The following HELZ variants were observed in gnomAD, a reference collection of about 807,000 sequenced individuals.
The protein encoded by HELZ is helicase with zinc finger.
Under a neutral mutation model 218.2 loss-of-function variants are expected in HELZ, and 23 were observed. The ratio of observed to expected loss-of-function variants is 0.11; its 90% confidence interval spans 0.08 to 0.15. The LOEUF (loss-of-function observed/expected upper bound fraction) is 0.15. Among genes scored for constraint, HELZ ranks in the 10% least tolerant of loss-of-function variants. The pLI is 1.00. For missense variants in HELZ, 1,813 were observed against 2,353.7 expected (o/e 0.77, Z 4.75); for synonymous variants, 814 against 829.4 (o/e 0.98, Z 0.32).
intron 3 of HELZ, among the ~76,000 whole-genome samples, chr17:67,220,870 G>GAGT (rs2040727448): frequency 8.3e-6 from 1 of 119,904 alleles, no homozygotes; most frequent in Non-Finnish European, 1.7e-5. Flanking sequence ...CAAAAAAAAA[G>GAGT]AGTACTGTAT....
chr17:67,144,818 A>G (rs981437294), intron 21 of HELZ, among the ~76,000 whole-genome samples: 3 of 152,124 alleles, frequency 2.0e-5, no homozygotes, highest in Admixed American at 6.6e-5. Context: ...AGACCCCTAA[A>G]GTTATTTTCA....
At chr17:67,118,901 C>T (rs2037512562) in intron 27 of HELZ, among the ~76,000 whole-genome samples, 1 of 151,934 alleles carries the variant, frequency 6.6e-6, no homozygotes, top group East Asian at 1.9e-4. Flanking sequence ...TAAAAAGATA[C>T]TCAACATCAC....
At chr17:67,085,744 G>A (rs900825225) in intron 32 of HELZ, among the ~76,000 whole-genome samples, 6 of 152,064 alleles carry the variant, frequency 3.9e-5, no homozygotes, top group African/African-American at 1.4e-4. Flanking sequence ...TGTTCACAAA[G>A]ATCAACGTCT....
intron 12 of HELZ, among the ~76,000 whole-genome samples, chr17:67,183,257 G>A (rs73343168): frequency 0.029 from 4,378 of 152,234 alleles, 205 homozygotes; most frequent in African/African-American, 0.098. Context: ...ATGGAAGCAA[G>A]GTGAATCTCT....
At position 67,154,491 on chromosome 17, in the gene HELZ, C is replaced by T. The variant is rs567916403; in HGVS notation, c.2178-3267G>A. Among the ~76,000 whole-genome samples the T allele has an allele frequency of 9.2e-5, 14 of 152,112 alleles. No homozygotes were observed. The South Asian group carries it at 2.9e-3, about 32-fold the overall frequency. ...GAGTAATTCTTTTTATTGTCTGATACTAATTACTAAGTAATTTTTTGTTTC... is the reference window on the plus strand; with the variant it reads ...GAGTAATTCTTTTTATTGTCTGATATTAATTACTAAGTAATTTTTTGTTTC... On this transcript the variant is annotated intron_variant, in intron 17 of 32. Coordinates refer to ENST00000358691, the MANE Select transcript of HELZ (RefSeq NM_014877.4).
In HELZ at chr17:67,151,058, C is replaced by G; in HGVS notation, c.2344G>C (p.Asp782His). The change falls in exon 18 of 33, where the codon GAC (aspartate) becomes CAC (histidine). Residue 782 changes from aspartate (D) to histidine (H), a missense_variant. Coordinates refer to ENST00000358691, the MANE Select transcript of HELZ (RefSeq NM_014877.4). ...TGAGTCAGCATACCAGGTTCAAGGT[C>G]CAACTGACAGAGGTACTGGGAAGTA... is the stretch of plus-strand genomic sequence containing the variant. ...LNTSQYLCQLDLEPGFFTHIL... is the reference protein window; with the variant it reads ...LNTSQYLCQLHLEPGFFTHIL... The G allele has an allele frequency of 6.2e-7, 1 of 1,613,678 alleles. No homozygotes were observed. Among genetic ancestry groups the G allele is most frequent in the Non-Finnish European group, 8.5e-7 (1 of 1,179,714 alleles).
chr17:67,078,519 G>A lies in HELZ; in HGVS notation c.5562C>T (p.Ser1854=), dbSNP rs2036086740. 6.6e-7 allele frequency: 1 copy of A among 1,521,334 alleles called. No individual in the cohort carries two copies. The highest frequency in any genetic ancestry group is 8.8e-7 in the Non-Finnish European group (1 of 1,137,008). 94.2% of individuals were successfully genotyped at this position (1,521,334 alleles called of 1,614,324 possible). Reference sequence around the variant, plus strand: ...GATGCTGCAGCACACTGTAGTTGAAGGAACTGGACACCTCGAGGTTCTCCG... The same window carrying A: ...GATGCTGCAGCACACTGTAGTTGAAAGAACTGGACACCTCGAGGTTCTCCG... ...LKSENLEVSS[S]FNYSVLQHLG... Residue 1854 remains serine, a synonymous_variant, in exon 33 of 33, where the codon TCC becomes TCT. Coordinates refer to ENST00000358691, the MANE Select transcript of HELZ (RefSeq NM_014877.4).
chr17:67,139,544 T>C (rs1396004711), intron 21 of HELZ, among the ~76,000 whole-genome samples: 1 of 152,164 alleles, frequency 6.6e-6, no homozygotes, highest in Admixed American at 6.5e-5. Context: ...AATGATGATA[T>C]GAGTCATTCT....
At chr17:67,086,382 C>T (rs1258226435) in intron 32 of HELZ, among the ~76,000 whole-genome samples, 2 of 151,352 alleles carry the variant, frequency 1.3e-5, no homozygotes, top group African/African-American at 2.4e-5. Context: ...GTCAGGAGTT[C>T]GAAACCAGCC....
intron 5 of HELZ, among the ~76,000 whole-genome samples, chr17:67,210,730 T>C (rs2040427716): frequency 6.6e-6 from 1 of 152,156 alleles, no homozygotes; most frequent in African/African-American, 2.4e-5. Context: ...GAGACCATCC[T>C]GGCCAACATG....
chr17:67,142,949 CG>C (rs1191460836), intron 21 of HELZ, among the ~76,000 whole-genome samples: 1 of 151,640 alleles, frequency 6.6e-6, no homozygotes, highest in Non-Finnish European at 1.5e-5. Context: ...TTTGTAGAGA[CG>C]GGGTTTCACC....
rs1158971529 is a variant in HELZ, at chr17:67,201,332, A to G, written c.373-147T>C. On this transcript the variant is annotated intron_variant, in intron 6 of 32. Transcript: ENST00000358691. ...CTCATCACTACTACCATTAACGATG[A>G]CAATAAAGCAACACATCTATGAGGA... 1.3e-5 allele frequency: 7 copies of G among 550,196 alleles called. No homozygotes were observed. The Admixed American group carries it at 1.5e-4, about 12-fold the overall frequency. The allele number at this position is 550,196 out of a possible 1,614,324, so 34.1% of individuals were successfully genotyped here.
At chr17:67,150,270 C>G (rs896915960) in intron 18 of HELZ, 6 of 234,304 alleles carry the variant, frequency 2.6e-5, no homozygotes, top group African/African-American at 1.4e-4. Flanking sequence ...GCTGAGACTA[C>G]GGGCATATGC....
chr17:67,244,576 A>AG, intron 1 of HELZ: 1 of 424,116 alleles, frequency 2.4e-6, no homozygotes, highest in Non-Finnish European at 2.7e-6. Context: ...ATTTCCGAGG[A>AG]GGGGGCGGGG....
At chr17:67,123,491 A>T (rs2037683881) in intron 25 of HELZ, among the ~76,000 whole-genome samples, 1 of 152,132 alleles carries the variant, frequency 6.6e-6, no homozygotes, top group South Asian at 2.1e-4. Context: ...AAATTATACA[A>T]CTCTTCAGAA....
At chr17:67,241,009 C>T (rs1404112480) in intron 2 of HELZ, among the ~76,000 whole-genome samples, 1 of 152,002 alleles carries the variant, frequency 6.6e-6, no homozygotes. Context: ...AACTATTATC[C>T]CAGCCACCCT....
chr17:67,100,420 T>C (rs781117980), intron 31 of HELZ, among the ~76,000 whole-genome samples: 5 of 152,216 alleles, frequency 3.3e-5, no homozygotes, highest in Non-Finnish European at 5.9e-5. Context: ...TAGCATTCCA[T>C]TTTTATCAGA....
Position 67,188,482 on chromosome 17 carries a change from T to C in HELZ, c.999A>G (p.Ile333Met). The change falls in exon 12 of 33, where the codon ATA (isoleucine) becomes ATG (methionine). Residue 333 changes from isoleucine to methionine, a missense_variant. Physicochemically the swap from Ile to Met is conservative, Grantham distance 10. Transcript: ENST00000358691. The surrounding 1 kb of genome is among the most constrained non-coding windows in gnomAD (Gnocchi z 4.1). Reference protein sequence around the residue: ...QEVPENCQEWIGGKMAQNGLD... With the variant: ...QEVPENCQEWMGGKMAQNGLD... The stretch of plus-strand genomic sequence containing the variant: ...ATCCATTTTGGGCCATCTTTCCTCC[T>C]ATCCATTCTTGACAGTTTTCTGGGA... 1 of 1,613,998 alleles carries C rather than the reference T, an allele frequency of 6.2e-7. No homozygotes were observed. The highest frequency in any genetic ancestry group is 2.2e-5 in the East Asian group (1 of 44,862).
At chr17:67,096,047 C>T (rs939389676) in intron 31 of HELZ, among the ~76,000 whole-genome samples, 4 of 152,158 alleles carry the variant, frequency 2.6e-5, no homozygotes, top group African/African-American at 9.7e-5. Flanking sequence ...ACATTCATGT[C>T]CTTGCACAGC....
Sources: gnomAD v4.1 joint callset for allele counts (sites outside exome capture counted in the v4.1 genomes callset) on GRCh38, gnomAD v4.1.1 for gene constraint, Gnocchi (gnomAD v3.1) non-coding constraint, MANE v1.5 for transcripts, NCBI Gene and HGNC (gene_info 2026-07-23, HGNC 2026-07-21) for gene names.